ULK4: variants seen among roughly 807,000 people sequenced by gnomAD.
ULK4 encodes the protein unc-51 like kinase 4.
A neutral mutation model predicts 160.6 loss-of-function variants in ULK4; 133 were observed. That is an observed-to-expected ratio of 0.83 (90% confidence interval 0.72 to 0.96). ULK4 has a LOEUF of 0.96. Among genes scored for constraint, ULK4 ranks in the 40% least tolerant of loss-of-function variants. The pLI, the probability that ULK4 is intolerant of heterozygous loss-of-function variation, is 0.00. For missense variants in ULK4, 1,580 were observed against 1,499.5 expected (o/e 1.05, Z -0.89); for synonymous variants, 534 against 539.8 (o/e 0.99, Z 0.15).
intron 19 of ULK4, among the ~76,000 whole-genome samples, chr3:41,810,685 T>C (rs969947238): frequency 3.9e-5 from 6 of 152,270 alleles, no homozygotes; most frequent in Non-Finnish European, 5.9e-5. Context: ...AAAGTTGTGG[T>C]TATATGTAAG....
chr3:41,304,292 A>G (rs1395294651), intron 35 of ULK4, among the ~76,000 whole-genome samples: 1 of 151,120 alleles, frequency 6.6e-6, no homozygotes, highest in African/African-American at 2.4e-5. Flanking sequence ...AAAAAAAAAG[A>G]GACAACATTC....
At position 41,774,787 on chromosome 3, in the gene ULK4, G is replaced by A. The variant is rs932794225; in HGVS notation, c.2193+14874C>T. On this transcript the variant is annotated intron_variant, in intron 21 of 36. Transcript: ENST00000301831. ...ACACATGCACACATATGTTTATTGC[G>A]GCACTACTCACAATAGCAAAAACTT... 2.7e-5 allele frequency among the ~76,000 whole-genome samples: 4 copies of A among 150,312 alleles called. 1 individual carries two copies. Among genetic ancestry groups the A allele is most frequent in the Admixed American group, 2.6e-4 (4 of 15,170 alleles).
Position 41,556,676 on chromosome 3 carries a change from G to A in ULK4, c.3226+9349C>T, listed in dbSNP as rs182354885. 1.3e-3 allele frequency among the ~76,000 whole-genome samples: 199 copies of A among 151,642 alleles called. 1 individual carries two copies. The highest frequency in any genetic ancestry group is 1.9e-3 in the Non-Finnish European group (129 of 67,844). ...CTAACTTTTTGTATTTTTAGTAGAGGCAGGGTTTCACTGTGTTAGCCAGGA... is the reference window on the plus strand; with the variant it reads ...CTAACTTTTTGTATTTTTAGTAGAGACAGGGTTTCACTGTGTTAGCCAGGA... On this transcript the variant is annotated intron_variant, in intron 32 of 36. Coordinates refer to ENST00000301831, the MANE Select transcript of ULK4 (RefSeq NM_017886.4).
chr3:41,938,811 T>C (rs1034161191), intron 2 of ULK4, among the ~76,000 whole-genome samples: 4 of 152,230 alleles, frequency 2.6e-5, no homozygotes, highest in African/African-American at 7.2e-5. Context: ...TAGCTACCGT[T>C]ATTGGTGAAA....
intron 31 of ULK4, among the ~76,000 whole-genome samples, chr3:41,573,008 C>T (rs73830247): frequency 0.021 from 3,123 of 152,128 alleles, 120 homozygotes; most frequent in African/African-American, 0.07. Flanking sequence ...AAGATTATGA[C>T]GAAAATATTT....
chr3:41,285,288 C>T (rs1219542497), intron 35 of ULK4, among the ~76,000 whole-genome samples: 2 of 152,176 alleles, frequency 1.3e-5, no homozygotes, highest in Non-Finnish European at 2.9e-5. Context: ...TACTTGCACA[C>T]GCATGTTTAT....
Position 41,246,995 on chromosome 3 carries a change from G to A in ULK4, c.3765-3C>T. The A allele has an allele frequency of 6.2e-7, 1 of 1,613,604 alleles. No individual in the cohort carries two copies. Among genetic ancestry groups the A allele is most frequent in the Non-Finnish European group, 8.5e-7 (1 of 1,179,796 alleles). On this transcript the variant is annotated splice_region_variant and splice_polypyrimidine_tract_variant and intron_variant, in intron 36 of 36. Coordinates refer to ENST00000301831, the MANE Select transcript of ULK4 (RefSeq NM_017886.4). ...CCACCGCACTGTCGGCAAATGAACTGTAAGAAAAACCAAAGTAGGTACACT... is the reference window on the plus strand; with the variant it reads ...CCACCGCACTGTCGGCAAATGAACTATAAGAAAAACCAAAGTAGGTACACT...
At chr3:41,726,088 A>C (rs982965113) in intron 22 of ULK4, among the ~76,000 whole-genome samples, 1 of 152,246 alleles carries the variant, frequency 6.6e-6, no homozygotes, top group Non-Finnish European at 1.5e-5. Flanking sequence ...ATAAGGAATA[A>C]ATTTTTCTCT....
At chr3:41,386,004 T>C (rs1458347090) in intron 35 of ULK4, among the ~76,000 whole-genome samples, 6 of 152,222 alleles carry the variant, frequency 3.9e-5, no homozygotes, top group Non-Finnish European at 8.8e-5. Flanking sequence ...TATTATCCTT[T>C]ATACCATTTC....
At chr3:41,791,958 G>T (rs1292559041) in intron 20 of ULK4, among the ~76,000 whole-genome samples, 2 of 152,110 alleles carry the variant, frequency 1.3e-5, no homozygotes, top group Admixed American at 6.5e-5. Flanking sequence ...TTCATTTGGA[G>T]ATATCCATAT....
chr3:41,914,022 A>G, intron 8 of ULK4, among the ~76,000 whole-genome samples: 1 of 152,086 alleles, frequency 6.6e-6, no homozygotes, highest in East Asian at 1.9e-4. Context: ...ATACATTCAC[A>G]CCTTGTTTAG....
intron 21 of ULK4, among the ~76,000 whole-genome samples, chr3:41,771,546 C>A (rs2039374539): frequency 6.6e-6 from 1 of 152,036 alleles, no homozygotes; most frequent in Non-Finnish European, 1.5e-5. Flanking sequence ...CCCTCACTTC[C>A]AACAACAACA....
At chr3:41,666,027 C>T (rs926255647) in intron 29 of ULK4, among the ~76,000 whole-genome samples, 2 of 152,202 alleles carry the variant, frequency 1.3e-5, no homozygotes, top group South Asian at 4.1e-4. Flanking sequence ...GACAAGCTTC[C>T]AGCTGTCATC....
chr3:41,651,627 A>T (rs1321394236), intron 30 of ULK4, among the ~76,000 whole-genome samples: 2 of 152,226 alleles, frequency 1.3e-5, no homozygotes, highest in East Asian at 3.9e-4. Flanking sequence ...CTGAAGTTCC[A>T]TGATTCTATG....
intron 35 of ULK4, among the ~76,000 whole-genome samples, chr3:41,311,765 TC>T (rs1186655117): frequency 6.6e-6 from 1 of 151,600 alleles, no homozygotes; most frequent in African/African-American, 2.4e-5. Flanking sequence ...CGACAGGGTT[TC>T]CCCATGTTAG....
intron 16 of ULK4, among the ~76,000 whole-genome samples, chr3:41,887,081 C>T (rs1697750971): frequency 1.3e-5 from 2 of 152,300 alleles, no homozygotes; most frequent in South Asian, 4.1e-4. Flanking sequence ...CAAACAGTGA[C>T]CACTCTTACT....
At chr3:41,729,807 G>A (rs926610813) in intron 22 of ULK4, among the ~76,000 whole-genome samples, 16 of 152,202 alleles carry the variant, frequency 1.1e-4, no homozygotes, top group African/African-American at 3.6e-4. Flanking sequence ...CCAAGCCACT[G>A]AAGTACTCAC....
At chr3:41,340,997 T>C (rs1026596167) in intron 35 of ULK4, among the ~76,000 whole-genome samples, 2 of 152,086 alleles carry the variant, frequency 1.3e-5, no homozygotes, top group African/African-American at 4.8e-5. Flanking sequence ...TATCTGAGGA[T>C]GGGGGTAAGA....
chr3:41,645,692 T>C (rs904222219), intron 30 of ULK4, among the ~76,000 whole-genome samples: 1 of 152,174 alleles, frequency 6.6e-6, no homozygotes. Context: ...GAGAGTTCTG[T>C]AGATGTCTAT....
Sources: allele counts gnomAD v4.1 joint callset (sites outside exome capture counted in the v4.1 genomes callset), GRCh38; gene constraint gnomAD v4.1.1; transcripts MANE v1.5; gene names NCBI Gene and HGNC (gene_info 2026-07-23, HGNC 2026-07-21).